Variants in XYLB observed in about 807,000 individuals in gnomAD.
The protein encoded by XYLB is xylulose kinase.
XYLB carries 62 observed loss-of-function variants against 78.7 expected under a neutral mutation model. That is an observed-to-expected ratio of 0.79 (90% confidence interval 0.64 to 0.97). XYLB has a LOEUF of 0.97. Among genes scored for constraint, XYLB ranks in the 50% least tolerant of loss-of-function variants. XYLB has a pLI of 0.00. For missense variants in XYLB, 687 were observed against 676.8 expected, an observed-to-expected ratio of 1.02 and a Z score of -0.17; for synonymous variants, 245 against 247.4, an observed-to-expected ratio of 0.99 and a Z score of 0.09.
At chr3:38,423,666 T>A (rs940034819), downstream of XYLB, among the ~76,000 whole-genome samples, 14 of 152,254 alleles carry the variant, frequency 9.2e-5, no homozygotes, top group African/African-American at 3.4e-4. Flanking sequence ...AACAGTCCAA[T>A]GATTTGTCAG....
chr3:38,432,309 C>T, the XYLB span, among the ~76,000 whole-genome samples: 5 of 152,210 alleles, frequency 3.3e-5, no homozygotes, highest in African/African-American at 4.8e-5. Context: ...TGGCTCACGC[C>T]GGTAATCCCA....
At chr3:38,404,065 A>G (rs947637135) in intron 18 of XYLB, among the ~76,000 whole-genome samples, 5 of 152,150 alleles carry the variant, frequency 3.3e-5, no homozygotes, top group Non-Finnish European at 7.3e-5. Flanking sequence ...GCTCAAGGGG[A>G]AACTCAAAGC....
In XYLB at chr3:38,353,214, G is replaced by C. The variant is rs563556821; in HGVS notation, c.140+4582G>C. ...CAGCTTTCTTACATAAAAATATTTG[G>C]AGTTTATCCAGGTACGTAGTATGAC... On this transcript the variant is annotated intron_variant, in intron 2 of 18. Transcript: ENST00000207870. Among the ~76,000 whole-genome samples, 3 of 152,238 alleles carry C rather than the reference G, an allele frequency of 2.0e-5. No individual in the cohort carries two copies. The South Asian group carries it at 6.2e-4, about 32-fold the overall frequency.
At chr3:38,447,690 G>A in the XYLB span, among the ~76,000 whole-genome samples, 2 of 152,228 alleles carry the variant, frequency 1.3e-5, no homozygotes, top group South Asian at 4.1e-4. Context: ...CAACCGTATA[G>A]AGAGTTCTCT....
chr3:38,422,958 A>G (rs753473498), downstream of XYLB, among the ~76,000 whole-genome samples: 20 of 152,162 alleles, frequency 1.3e-4, no homozygotes, highest in Non-Finnish European at 1.0e-4. Flanking sequence ...GGATAGAACA[A>G]TGGTTGCTGA....
intron 17 of XYLB, among the ~76,000 whole-genome samples, chr3:38,400,266 G>A (rs1575528722): frequency 1.3e-5 from 2 of 152,110 alleles, no homozygotes; most frequent in East Asian, 3.9e-4. Context: ...ATCTGGCCTC[G>A]TGGACTTTAC....
intron 2 of XYLB, among the ~76,000 whole-genome samples, chr3:38,354,919 T>G (rs184725491): frequency 1.4e-4 from 21 of 152,374 alleles, no homozygotes; most frequent in Non-Finnish European, 2.6e-4. Context: ...TTCCATTTGT[T>G]CAAGTCTTCT....
chr3:38,434,515 C>T, the XYLB span, among the ~76,000 whole-genome samples: 1 of 152,192 alleles, frequency 6.6e-6, no homozygotes. Context: ...CCCAAATAAG[C>T]AAATGCTGAG....
chr3:38,434,833 A>C, the XYLB span, among the ~76,000 whole-genome samples: 1 of 152,218 alleles, frequency 6.6e-6, no homozygotes. Context: ...CTTCACTAAA[A>C]AGATATTCAC....
chr3:38,364,538 C>T (rs1399431679), intron 4 of XYLB, among the ~76,000 whole-genome samples: 3 of 136,780 alleles, frequency 2.2e-5, no homozygotes, highest in Non-Finnish European at 4.7e-5. Context: ...CCCGACCCAG[C>T]CTCAGGCCCA....
At chr3:38,434,195 G>A in the XYLB span, among the ~76,000 whole-genome samples, 4 of 152,166 alleles carry the variant, frequency 2.6e-5, no homozygotes, top group East Asian at 7.7e-4. Flanking sequence ...TTGACATGTG[G>A]GGATTATTAC....
At chr3:38,370,297 C>T (rs1010494261) in intron 9 of XYLB, 123 bp downstream of exon 9, 7 of 708,486 alleles carry the variant, frequency 9.9e-6, no homozygotes, top group Non-Finnish European at 1.5e-5. Flanking sequence ...GTTCACTCAC[C>T]CACAGGCATA....
chr3:38,399,623 AG>A (rs1342729018), intron 17 of XYLB, among the ~76,000 whole-genome samples: 1 of 152,202 alleles, frequency 6.6e-6, no homozygotes, highest in East Asian at 1.9e-4. Flanking sequence ...GTTGCTGATG[AG>A]AAGTATGGGG....
At chr3:38,392,440 G>T (rs1482435710) in intron 15 of XYLB, among the ~76,000 whole-genome samples, 1 of 152,098 alleles carries the variant, frequency 6.6e-6, no homozygotes, top group Non-Finnish European at 1.5e-5. Context: ...TGGGATTACA[G>T]GCGCACACCA....
At chr3:38,349,292 C>T (rs1005244415) in intron 2 of XYLB, among the ~76,000 whole-genome samples, 6 of 152,326 alleles carry the variant, frequency 3.9e-5, no homozygotes, top group East Asian at 3.9e-4. Flanking sequence ...GTCAGAGCTC[C>T]ATAGGCCATG....
At chr3:38,410,716 T>C (rs1272031050) in intron 18 of XYLB, among the ~76,000 whole-genome samples, 7 of 152,020 alleles carry the variant, frequency 4.6e-5, no homozygotes, top group African/African-American at 7.2e-5. Context: ...AAAAAGTGGG[T>C]GAAGGACATG....
At position 38,368,557 on chromosome 3, in the gene XYLB, G is replaced by A. The variant is rs146215370; in HGVS notation, c.646+300G>A. 9.5e-3 allele frequency among the ~76,000 whole-genome samples: 1,450 copies of A among 152,296 alleles called. 15 individuals carry two copies. Among genetic ancestry groups the A allele is most frequent in the Non-Finnish European group, 0.013 (902 of 68,020 alleles). ...CAAGGTGGCAGTCAAGCTGGCAGCC[G>A]GGGCTGCAGTCATCTGAAGGGTTGA... is the stretch of plus-strand genomic sequence containing the variant. On this transcript the variant is annotated intron_variant, in intron 8 of 18. Transcript: ENST00000207870.
chr3:38,367,661 C>T (rs1301962054), intron 7 of XYLB, among the ~76,000 whole-genome samples: 1 of 152,178 alleles, frequency 6.6e-6, no homozygotes, highest in African/African-American at 2.4e-5. Context: ...CCATGATTCT[C>T]ATGTGGAAGT....
intron 18 of XYLB, among the ~76,000 whole-genome samples, chr3:38,408,180 CTG>C (rs1708413186): frequency 6.6e-6 from 1 of 151,954 alleles, no homozygotes; most frequent in Non-Finnish European, 1.5e-5. Flanking sequence ...TTATAACAAA[CTG>C]TCTCTCAGAC....
Sources: allele counts gnomAD v4.1 joint callset (sites outside exome capture counted in the v4.1 genomes callset), GRCh38; gene constraint gnomAD v4.1.1; transcripts MANE v1.5; gene names NCBI Gene and HGNC (gene_info 2026-07-23, HGNC 2026-07-21).